Variants in CAMK1D observed in about 807,000 individuals in gnomAD.
CAMK1D encodes the protein calcium/calmodulin dependent protein kinase ID, also known as calcium/calmodulin-dependent protein kinase type 1D.
Under a neutral mutation model 47.7 loss-of-function variants are expected in CAMK1D, and 9 were observed. The ratio of observed to expected loss-of-function variants is 0.19; its 90% CI spans 0.11 to 0.33. The LOEUF is 0.33. CAMK1D is among the 10% of genes least tolerant of loss of function. The pLI, the probability that CAMK1D is intolerant of heterozygous loss-of-function variation, is 1.00. For synonymous variants in CAMK1D, 184 were observed against 184.9 expected, an observed-to-expected ratio of 0.99 and a Z score of 0.04; for missense variants, 291 against 488.7, an observed-to-expected ratio of 0.60 and a Z score of 3.81.
At chr10:12,481,440 G>A (rs181712573) in intron 1 of CAMK1D, among the ~76,000 whole-genome samples, 19 of 152,176 alleles carry the variant, frequency 1.2e-4, no homozygotes, top group East Asian at 5.8e-4. Flanking sequence ...TTGAAAAACC[G>A]TAGCCTCTGA....
intron 3 of CAMK1D, among the ~76,000 whole-genome samples, chr10:12,693,351 C>T (rs183457335): frequency 5.1e-4 from 78 of 151,886 alleles, no homozygotes; most frequent in African/African-American, 1.7e-3. Flanking sequence ...GGCAACAGAG[C>T]GAGACTCCAT....
At chr10:12,811,722 C>G (rs1293555583) in intron 6 of CAMK1D, among the ~76,000 whole-genome samples, 1 of 152,182 alleles carries the variant, frequency 6.6e-6, no homozygotes, top group African/African-American at 2.4e-5. Context: ...AAGAAAAACA[C>G]ACACGGTTGT....
chr10:12,402,741 C>T (rs11257771), intron 1 of CAMK1D, among the ~76,000 whole-genome samples: 38,668 of 151,782 alleles, frequency 0.25, 5,507 homozygotes, highest in East Asian at 0.32. Context: ...AAAAGGATCC[C>T]TGAGGCAGTC....
At chr10:12,804,034 G>C (rs1227822583) in intron 6 of CAMK1D, among the ~76,000 whole-genome samples, 1 of 152,172 alleles carries the variant, frequency 6.6e-6, no homozygotes, top group African/African-American at 2.4e-5. Flanking sequence ...CCTGGATGGG[G>C]TGGGCCCAGG....
intron 1 of CAMK1D, among the ~76,000 whole-genome samples, chr10:12,429,454 C>G (rs1840366366): frequency 6.6e-6 from 1 of 152,170 alleles, no homozygotes; most frequent in Non-Finnish European, 1.5e-5. Flanking sequence ...ATTCTCCTGC[C>G]TCAGCCTCCT....
At position 12,591,144 on chromosome 10, in the gene CAMK1D, C is replaced by T. The variant is rs117541906; in HGVS notation, c.224+37788C>T. On this transcript the variant is annotated intron_variant, in intron 2 of 10. Coordinates refer to ENST00000619168, the MANE Select transcript of CAMK1D (RefSeq NM_153498.4). ...AACAGTCTGTTCTCCCCGTGTTAGACACAGAGGGGTCAGGGACAGAGATTG... is the reference window on the plus strand; with the variant it reads ...AACAGTCTGTTCTCCCCGTGTTAGATACAGAGGGGTCAGGGACAGAGATTG... 3.9e-5 allele frequency among the ~76,000 whole-genome samples: 6 copies of T among 152,262 alleles called. No homozygotes were observed. In the East Asian group the frequency reaches 7.7e-4, roughly 20 times the overall value.
intron 1 of CAMK1D, among the ~76,000 whole-genome samples, chr10:12,527,350 CTTT>C (rs750670427): frequency 2.4e-5 from 2 of 83,998 alleles, no homozygotes; most frequent in African/African-American, 4.9e-5. Flanking sequence ...ACTTGACTTG[CTTT>C]TTTTTTTTTT....
intron 1 of CAMK1D, among the ~76,000 whole-genome samples, chr10:12,434,818 TTGAAGGATG>T (rs1832581317): frequency 6.6e-6 from 1 of 152,230 alleles, no homozygotes; most frequent in African/African-American, 2.4e-5. Context: ...GTTCTGAGAC[TTGAAGGATG>T]TGGGAATCAT....
Position 12,726,498 on chromosome 10 carries a change from T to A in CAMK1D, c.300-34450T>A, listed in dbSNP as rs561762425. On this transcript the variant is annotated intron_variant, in intron 3 of 10. Coordinates refer to ENST00000619168, the MANE Select transcript of CAMK1D (RefSeq NM_153498.4). Reference sequence around the variant, plus strand: ...TTAAGCGGAAAGCTGACTTACACATTGTCAACTTTAATTAGACCTAGTGCC... The same window carrying A: ...TTAAGCGGAAAGCTGACTTACACATAGTCAACTTTAATTAGACCTAGTGCC... Among the ~76,000 whole-genome samples the A allele has an allele frequency of 4.6e-5, 7 of 152,268 alleles. No individual in the cohort carries two copies. The South Asian group carries it at 1.5e-3, about 32-fold the overall frequency.
intron 6 of CAMK1D, among the ~76,000 whole-genome samples, chr10:12,810,731 G>A (rs567882083): frequency 1.3e-5 from 2 of 152,302 alleles, no homozygotes; most frequent in Non-Finnish European, 1.5e-5. Flanking sequence ...AACGCCCGAA[G>A]TTCAATTCTT....
intron 1 of CAMK1D, among the ~76,000 whole-genome samples, chr10:12,474,556 AT>A (rs150471333): frequency 0.018 from 2,700 of 151,998 alleles, 83 homozygotes; most frequent in African/African-American, 0.061. Context: ...AAACTTTACC[AT>A]TTTTAACCAT....
intron 1 of CAMK1D, among the ~76,000 whole-genome samples, chr10:12,431,621 C>T (rs1832478690): frequency 6.6e-6 from 1 of 152,164 alleles, no homozygotes; most frequent in African/African-American, 2.4e-5. Context: ...CTGAGGAACC[C>T]AGGGTGGGAG....
chr10:12,378,020 A>C (rs1303244120), intron 1 of CAMK1D, among the ~76,000 whole-genome samples: 1 of 152,242 alleles, frequency 6.6e-6, no homozygotes, highest in Non-Finnish European at 1.5e-5. Context: ...AATTCCAGAG[A>C]AAGCACCCCA....
At chr10:12,776,565 A>G (rs867573833) in intron 5 of CAMK1D, among the ~76,000 whole-genome samples, 1 of 152,238 alleles carries the variant, frequency 6.6e-6, no homozygotes, top group African/African-American at 2.4e-5. Flanking sequence ...TCACATTTTC[A>G]TCAACCAATC....
intron 5 of CAMK1D, among the ~76,000 whole-genome samples, chr10:12,790,198 A>G (rs1837917642): frequency 6.6e-6 from 1 of 152,268 alleles, no homozygotes; most frequent in Admixed American, 6.5e-5. Context: ...CAAGAATGCA[A>G]GGTTGAATTG....
chr10:12,684,551 C>A (rs1006912934), intron 3 of CAMK1D, among the ~76,000 whole-genome samples: 1 of 152,140 alleles, frequency 6.6e-6, no homozygotes, highest in African/African-American at 2.4e-5. Context: ...GATCTAAATA[C>A]TAAAAGGCAT....
chr10:12,624,862 A>C (rs938768380), intron 2 of CAMK1D, among the ~76,000 whole-genome samples: 8 of 152,168 alleles, frequency 5.3e-5, no homozygotes, highest in African/African-American at 1.9e-4. Context: ...ATGGCACAGC[A>C]GGTAGGGTAT....
intron 5 of CAMK1D, among the ~76,000 whole-genome samples, chr10:12,785,532 C>A (rs1837683269): frequency 6.6e-6 from 1 of 152,180 alleles, no homozygotes; most frequent in African/African-American, 2.4e-5. Context: ...CCAGGCAGCA[C>A]TGGCCAGGAG....
At chr10:12,538,858 T>C (rs560654436) in intron 1 of CAMK1D, among the ~76,000 whole-genome samples, 26 of 137,902 alleles carry the variant, frequency 1.9e-4, no homozygotes, top group African/African-American at 7.2e-4. Flanking sequence ...GGAACTCATG[T>C]CCATATTGCA....
Sources: gnomAD v4.1 joint callset for allele counts (sites outside exome capture counted in the v4.1 genomes callset) on GRCh38, gnomAD v4.1.1 for gene constraint, MANE v1.5 for transcripts, NCBI Gene and HGNC (gene_info 2026-07-23, HGNC 2026-07-21) for gene names.